Variants in ZNF189 observed in about 807,000 individuals in gnomAD.
The protein encoded by ZNF189 is zinc finger protein 189.
In ZNF189, 33 loss-of-function variants were observed where a neutral mutation model predicts 53.5. The ratio of observed to expected loss-of-function variants is 0.62; its 90% CI spans 0.47 to 0.82. The LOEUF is 0.82. Among genes scored for constraint, ZNF189 ranks in the 40% least tolerant of loss-of-function variants. ZNF189 has a pLI of 0.00. For synonymous variants in ZNF189, 247 were observed against 238.8 expected (o/e 1.03, Z -0.32); for missense variants, 711 against 753.9 (o/e 0.94, Z 0.67).
In ZNF189 at chr9:101,409,750, T is replaced by G; in HGVS notation, c.*101T>G. The G allele has an allele frequency of 7.4e-7, 1 of 1,354,870 alleles. No individual in the cohort carries two copies. The highest frequency in any genetic ancestry group is 9.8e-7 in the Non-Finnish European group (1 of 1,019,074). 83.9% of individuals were successfully genotyped at this position (1,354,870 alleles called of 1,614,324 possible). On this transcript the variant is annotated 3_prime_UTR_variant, in exon 3 of 3. Coordinates refer to ENST00000339664, the MANE Select transcript of ZNF189 (RefSeq NM_003452.4). The stretch of plus-strand genomic sequence containing the variant: ...TCAGATTTAGTGATAAAGCAAATTC[T>G]CCTTGGCCTCAGGCAAATAGTTTCT...
rs1046638118 is a variant in ZNF189 at position 101,399,102 on chromosome 9, A to G, written c.-55A>G. 1.4e-4 allele frequency: 183 copies of G among 1,331,980 alleles called. 1 individual carries two copies. The African/African-American group carries it at 2.5e-3, about 18-fold the overall frequency. The allele number at this position is 1,331,980 out of a possible 1,614,324, so 82.5% of individuals were successfully genotyped here. On this transcript the variant is annotated 5_prime_UTR_variant, in exon 1 of 3. Transcript: ENST00000339664. ...CCAGCAGCCGGGTAGGCCTCACCAG[A>G]GGCTCCTTTCCGTGAGGCCGCCCCC...
At chr9:101,402,766 G>A (rs1266182092) in intron 2 of ZNF189, among the ~76,000 whole-genome samples, 1 of 152,138 alleles carries the variant, frequency 6.6e-6, no homozygotes, top group African/African-American at 2.4e-5. Flanking sequence ...ACAGAGCCAG[G>A]CCTATATTAT....
At chr9:101,405,934 G>A (rs781014096) in intron 2 of ZNF189, among the ~76,000 whole-genome samples, 19 of 151,968 alleles carry the variant, frequency 1.3e-4, no homozygotes, top group Non-Finnish European at 2.5e-4. Context: ...GCACAGTGGC[G>A]GGTGCCTGTA....
intron 1 of ZNF189, 147 bp from the exon 2 acceptor site, chr9:101,399,737 T>C: frequency 7.3e-7 from 1 of 1,362,736 alleles, no homozygotes; most frequent in Non-Finnish European, 1.0e-6. Flanking sequence ...TACAGTTCGT[T>C]CCCAGAATTG....
chr9:101,404,848 A>T (rs1259692078), intron 2 of ZNF189, among the ~76,000 whole-genome samples: 2 of 152,228 alleles, frequency 1.3e-5, no homozygotes, highest in Non-Finnish European at 2.9e-5. Flanking sequence ...ACGAACAGTT[A>T]AAAAATGCAG....
chr9:101,400,400 A>C (rs754051436), intron 2 of ZNF189, among the ~76,000 whole-genome samples: 23 of 152,064 alleles, frequency 1.5e-4, no homozygotes, highest in Admixed American at 4.6e-4. Flanking sequence ...GCAGTTTTTC[A>C]AGTGGGGGCT....
intron 2 of ZNF189, among the ~76,000 whole-genome samples, chr9:101,401,325 C>G (rs764168633): frequency 6.6e-5 from 10 of 152,206 alleles, no homozygotes; most frequent in Non-Finnish European, 1.5e-4. Flanking sequence ...CCTTCTGTTT[C>G]TCAGAGAAAA....
In ZNF189 at chr9:101,409,864, CT is replaced by C; in HGVS notation, c.*216del. On this transcript the variant is annotated 3_prime_UTR_variant, in exon 3 of 3. Coordinates refer to ENST00000339664, the MANE Select transcript of ZNF189 (RefSeq NM_003452.4). ...CGTAGAGAAAGACTTGGTAATTTAT[CT>C]AAGTATCTTTAATAAATCTTTCAGC... is the stretch of plus-strand genomic sequence containing the variant. The C allele has an allele frequency of 1.9e-6, 1 of 535,848 alleles. No individual in the cohort carries two copies. The highest frequency in any genetic ancestry group is 3.3e-5 in the East Asian group (1 of 30,544). 33.2% of individuals were successfully genotyped at this position (535,848 alleles called of 1,614,324 possible). A position where few individuals can be genotyped will look rare whatever the true frequency, so the allele number is the denominator to read the frequency against.
chr9:101,407,714 T>G (rs1830765145), intron 2 of ZNF189, among the ~76,000 whole-genome samples: 1 of 152,184 alleles, frequency 6.6e-6, no homozygotes, highest in Non-Finnish European at 1.5e-5. Context: ...TGGTCCCTTC[T>G]GTTAATTATT....
chr9:101,409,041 GAGA>G lies in ZNF189; in HGVS notation c.1277_1279del (p.Lys426del), dbSNP rs1161522657. On this transcript the variant is annotated inframe_deletion, in exon 3 of 3. Transcript: ENST00000339664. ...TCAGCATCAGAGAATTCACACCAGG[GAGA>G]AGACTTATCCATACAATGAAACTAA... 44 of 1,613,938 alleles carry G rather than the reference GAGA, an allele frequency of 2.7e-5. No homozygotes were observed. The highest frequency in any genetic ancestry group is 1.6e-4 in the Middle Eastern group (1 of 6,084).
At position 101,400,024 on chromosome 9, in the gene ZNF189, G is replaced by C; in HGVS notation, c.160+14G>C. 6.2e-7 allele frequency: 1 copy of C among 1,610,690 alleles called. No homozygotes were observed. Among genetic ancestry groups the C allele is most frequent in the Non-Finnish European group, 8.5e-7 (1 of 1,179,152 alleles). ...TGGTCTCACTGGGTAAGAATCTGCT[G>C]TTTCTCTAATTAAAATATCTAAGAA... On this transcript the variant is annotated intron_variant, in intron 2 of 2. Transcript: ENST00000339664.
intron 2 of ZNF189, 151 bp downstream of exon 2, chr9:101,400,161 C>T (rs1260551320): frequency 9.3e-7 from 1 of 1,074,808 alleles, no homozygotes; most frequent in African/African-American, 1.6e-5. Flanking sequence ...CCATAACTCT[C>T]ATCCCTAGCT....
chr9:101,407,853 G>C, intron 2 of ZNF189, 76 bp from the exon 3 acceptor site: 1 of 1,377,382 alleles, frequency 7.3e-7, no homozygotes, highest in Non-Finnish European at 9.6e-7. Flanking sequence ...TTGTTTCTTT[G>C]TTTGCCCATC....
rs866035680 is a variant in ZNF189 at position 101,408,610 on chromosome 9, C to T, written c.842C>T (p.Thr281Ile). 1 of 1,613,784 alleles carries T rather than the reference C, an allele frequency of 6.2e-7. No homozygotes were observed. The highest frequency in any genetic ancestry group is 8.5e-7 in the Non-Finnish European group (1 of 1,179,940). The part of the protein sequence containing the change: ...WKSHLIEHQR[T>I]HTGEKPYHCT... ...TCACACCTTATTGAGCATCAAAGAA[C>T]TCACACTGGTGAGAAACCTTATCAC... The change falls in exon 3 of 3, where the codon ACT becomes ATT. Residue 281 changes from threonine (T) to isoleucine (I), a missense_variant. By Grantham distance (89) the Thr-to-Ile change is moderately conservative. Transcript: ENST00000339664.
chr9:101,409,393 G>A lies in ZNF189; in HGVS notation c.1625G>A (p.Cys542Tyr). ...CACACAGGTAATAAACCCCATAAAT[G>A]TGATGAATGTGGAAAGGCCTTTAGC... is the stretch of plus-strand genomic sequence containing the variant. ...GVHTGNKPHK[C>Y]DECGKAFSRN... The change falls in exon 3 of 3, where the codon TGT becomes TAT. Residue 542 changes from cysteine (C) to tyrosine (Y), a missense_variant. Coordinates refer to ENST00000339664, the MANE Select transcript of ZNF189 (RefSeq NM_003452.4). 2 of 1,614,150 alleles carry A rather than the reference G, an allele frequency of 1.2e-6. No individual in the cohort carries two copies. Among genetic ancestry groups the A allele is most frequent in the African/African-American group, 1.3e-5 (1 of 75,036 alleles).
At chr9:101,407,454 CAGCT>C (rs1365096920) in intron 2 of ZNF189, 11 of 398,834 alleles carry the variant, frequency 2.8e-5, no homozygotes, top group African/African-American at 6.2e-5. Flanking sequence ...GACGCAAACA[CAGCT>C]TGCTGCAGCC....
intron 2 of ZNF189, 140 bp downstream of exon 2, chr9:101,400,150 T>G (rs1830480586): frequency 1.7e-6 from 2 of 1,158,318 alleles, no homozygotes; most frequent in Non-Finnish European, 2.4e-6. Context: ...ATTAATTGTT[T>G]CCATAACTCT....
intron 2 of ZNF189, among the ~76,000 whole-genome samples, chr9:101,401,889 T>C (rs1371285733): frequency 6.6e-6 from 1 of 151,634 alleles, no homozygotes; most frequent in Non-Finnish European, 1.5e-5. Context: ...TACACTCAGG[T>C]CATCAGCTAC....
chr9:101,403,490 C>T (rs1363322719), intron 2 of ZNF189, among the ~76,000 whole-genome samples: 1 of 152,180 alleles, frequency 6.6e-6, no homozygotes, highest in Non-Finnish European at 1.5e-5. Context: ...CATAATGCAA[C>T]TCTTGTCTAG....
Sources: allele counts gnomAD v4.1 joint callset (sites outside exome capture counted in the v4.1 genomes callset), GRCh38; gene constraint gnomAD v4.1.1; transcripts MANE v1.5; gene names NCBI Gene and HGNC (gene_info 2026-07-23, HGNC 2026-07-21).